The following MACROD2 variants were observed in gnomAD, a reference collection of about 807,000 sequenced individuals.
MACROD2 encodes the protein mono-ADP ribosylhydrolase 2, also known as ADP-ribose glycohydrolase MACROD2.
Under a neutral mutation model 70.4 loss-of-function variants are expected in MACROD2, and 36 were observed. That is an observed-to-expected ratio of 0.51 (90% CI 0.39 to 0.68). The LOEUF (loss-of-function observed/expected upper bound fraction) is 0.68. Ranked by LOEUF, MACROD2 falls within the 30% of genes least tolerant of loss-of-function variation. The probability of loss-of-function intolerance (pLI) is 0.00; values close to 1 mark genes in which losing one functional copy is unlikely to be tolerated. For missense variants in MACROD2, 496 were observed against 538.4 expected (o/e 0.92, Z 0.78); for synonymous variants, 172 against 178.8 (o/e 0.96, Z 0.30).
chr20:15,744,129 ATTATGT>A (rs2051145308), intron 8 of MACROD2, among the ~76,000 whole-genome samples: 1 of 152,122 alleles, frequency 6.6e-6, no homozygotes, highest in African/African-American at 2.4e-5. Flanking sequence ...TTTAAAAACA[ATTATGT>A]TTATTCAAAA....
At chr20:15,164,225 T>C (rs552823315) in intron 5 of MACROD2, among the ~76,000 whole-genome samples, 2 of 152,080 alleles carry the variant, frequency 1.3e-5, no homozygotes, top group Non-Finnish European at 2.9e-5. Context: ...CAAATAAAAA[T>C]ACAGCATAAC....
At chr20:14,891,814 A>ATT (rs1568858032) in intron 5 of MACROD2, among the ~76,000 whole-genome samples, 1 of 152,198 alleles carries the variant, frequency 6.6e-6, no homozygotes, top group Non-Finnish European at 1.5e-5. Flanking sequence ...TTAGTGACCA[A>ATT]ATGAAATCTG....
intron 4 of MACROD2, among the ~76,000 whole-genome samples, chr20:14,574,553 G>T (rs187902569): frequency 1.3e-5 from 2 of 152,036 alleles, no homozygotes; most frequent in Non-Finnish European, 2.9e-5. Context: ...TTGCCCCCTA[G>T]TATTCTGGCT....
chr20:14,141,141 C>A (rs1407268808), intron 3 of MACROD2, among the ~76,000 whole-genome samples: 1 of 152,168 alleles, frequency 6.6e-6, no homozygotes. Context: ...TGGAATTTTA[C>A]ACCTATTTAG....
At chr20:14,659,572 C>A (rs1986129827) in intron 4 of MACROD2, among the ~76,000 whole-genome samples, 1 of 152,054 alleles carries the variant, frequency 6.6e-6, no homozygotes, top group South Asian at 2.1e-4. Context: ...AATTGTATTT[C>A]AAAAATTCTC....
rs914529876 is a variant in MACROD2, at chr20:14,604,523, G to A, written c.302-80320G>A. Reference sequence around the variant, plus strand: ...GGATAGCATTGTGGCAGGTGGCTGCGTTTAGAAGGGCTTTCTGCATAAGCC... The same window carrying A: ...GGATAGCATTGTGGCAGGTGGCTGCATTTAGAAGGGCTTTCTGCATAAGCC... On this transcript the variant is annotated intron_variant, in intron 4 of 17. Coordinates refer to ENST00000684519, the MANE Select transcript of MACROD2 (RefSeq NM_001351661.2). Among the ~76,000 whole-genome samples, 69 of 152,256 alleles carry A rather than the reference G, an allele frequency of 4.5e-4. 1 individual carries two copies. Among genetic ancestry groups the A allele is most frequent in the Admixed American group, 2.8e-3 (43 of 15,282 alleles).
chr20:14,311,768 A>G (rs918814574), intron 3 of MACROD2, among the ~76,000 whole-genome samples: 4 of 151,576 alleles, frequency 2.6e-5, no homozygotes, highest in Admixed American at 6.6e-5. Context: ...TCCACCCCCC[A>G]TGGCCTCCCT....
At position 15,433,459 on chromosome 20, in the gene MACROD2, CAAAAAA is replaced by C. The variant is rs60298297; in HGVS notation, c.571+2039_571+2044del. On this transcript the variant is annotated intron_variant, in intron 7 of 17. Transcript: ENST00000684519. ...AACTCAATCCCTTTCACAAGAGCTGCAAAAAAAAAAAAAAAAAAAAGATAAAATATT... is the reference window on the plus strand; with the variant it reads ...AACTCAATCCCTTTCACAAGAGCTGCAAAAAAAAAAAAAAGATAAAATATT... 6.6e-3 allele frequency among the ~76,000 whole-genome samples: 582 copies of C among 88,256 alleles called. 6 individuals are homozygous for C. Among genetic ancestry groups the C allele is most frequent in the African/African-American group, 0.025 (486 of 19,300 alleles). The allele number at this position is 88,256 out of a possible 152,430, so 57.9% of individuals were successfully genotyped here.
chr20:14,030,820 G>T (rs902069775), intron 2 of MACROD2, among the ~76,000 whole-genome samples: 15 of 144,662 alleles, frequency 1.0e-4, no homozygotes, highest in African/African-American at 3.7e-4. Flanking sequence ...TCAGCTGAAT[G>T]AAGAATTTTC....
intron 6 of MACROD2, among the ~76,000 whole-genome samples, chr20:15,287,214 AAACT>A (rs1487085300): frequency 6.6e-6 from 1 of 152,352 alleles, no homozygotes; most frequent in Non-Finnish European, 1.5e-5. Flanking sequence ...TTAATATGCT[AAACT>A]AACTGGCAGC....
intron 5 of MACROD2, among the ~76,000 whole-genome samples, chr20:14,691,840 A>G (rs1308169122): frequency 6.6e-6 from 1 of 152,148 alleles, no homozygotes; most frequent in Non-Finnish European, 1.5e-5. Flanking sequence ...CACAAAGAGA[A>G]AAGCCGCTTT....
At chr20:15,699,562 A>AGG (rs1367959415) in intron 8 of MACROD2, among the ~76,000 whole-genome samples, 1 of 152,066 alleles carries the variant, frequency 6.6e-6, no homozygotes, top group Non-Finnish European at 1.5e-5. Flanking sequence ...TCCTGCCAGG[A>AGG]GGGGGCGCTT....
At chr20:15,271,942 G>A (rs939178388) in intron 6 of MACROD2, among the ~76,000 whole-genome samples, 1 of 152,156 alleles carries the variant, frequency 6.6e-6, no homozygotes, top group Non-Finnish European at 1.5e-5. Context: ...GGAGAGCTGG[G>A]ATCTCTTCCC....
intron 5 of MACROD2, among the ~76,000 whole-genome samples, chr20:14,759,747 G>T (rs1201059696): frequency 6.6e-6 from 1 of 152,096 alleles, no homozygotes; most frequent in Non-Finnish European, 1.5e-5. Context: ...AGATACGCAG[G>T]TTCTTGTAGA....
At chr20:14,140,818 G>A (rs113819317) in intron 3 of MACROD2, among the ~76,000 whole-genome samples, 28 of 152,120 alleles carry the variant, frequency 1.8e-4, no homozygotes, top group African/African-American at 6.8e-4. Flanking sequence ...AGTGGTATCG[G>A]CCGAGAGAGA....
chr20:14,902,507 C>T (rs558347505), intron 5 of MACROD2, among the ~76,000 whole-genome samples: 1 of 152,228 alleles, frequency 6.6e-6, no homozygotes, highest in African/African-American at 2.4e-5. Flanking sequence ...ATTTACCCTC[C>T]CCATACCACA....
intron 5 of MACROD2, among the ~76,000 whole-genome samples, chr20:14,986,961 G>C (rs1384991445): frequency 1.3e-5 from 2 of 151,884 alleles, no homozygotes; most frequent in Non-Finnish European, 2.9e-5. Flanking sequence ...GCAATGGACT[G>C]AGTGTTTGAC....
At chr20:15,095,009 C>T (rs377020910) in intron 5 of MACROD2, among the ~76,000 whole-genome samples, 4 of 148,760 alleles carry the variant, frequency 2.7e-5, no homozygotes, top group East Asian at 2.0e-4. Context: ...AAGACCTGTA[C>T]AGTGAGACCA....
chr20:15,147,543 A>G (rs2076239429), intron 5 of MACROD2, among the ~76,000 whole-genome samples: 1 of 150,782 alleles, frequency 6.6e-6, no homozygotes, highest in Admixed American at 6.6e-5. Context: ...CTCTCTCTCT[A>G]TGTAGCTTCT....
Sources: gnomAD v4.1 joint callset for allele counts (sites outside exome capture counted in the v4.1 genomes callset) on GRCh38, gnomAD v4.1.1 for gene constraint, MANE v1.5 for transcripts, NCBI Gene and HGNC (gene_info 2026-07-23, HGNC 2026-07-21) for gene names.